RAP1A: variants seen among roughly 807,000 people sequenced by gnomAD.
RAP1A encodes the protein ras-related protein Rap-1A.
A neutral mutation model predicts 26.4 loss-of-function variants in RAP1A; 6 were observed. The ratio of observed to expected loss-of-function variants is 0.23; its 90% CI spans 0.12 to 0.45. The LOEUF is 0.45. RAP1A is among the 20% of genes least tolerant of loss of function. The probability of loss-of-function intolerance (pLI) is 0.99; values close to 1 mark genes in which losing one functional copy is unlikely to be tolerated. For missense variants in RAP1A, 121 were observed against 217.2 expected (o/e 0.56, Z 2.78); for synonymous variants, 73 against 79.4 (o/e 0.92, Z 0.43).
At chr1:111,710,743 G>A (rs1326672847) in intron 7 of RAP1A, among the ~76,000 whole-genome samples, 1 of 152,218 alleles carries the variant, frequency 6.6e-6, no homozygotes, top group African/African-American at 2.4e-5. Flanking sequence ...GGAGAAAAGG[G>A]CCTAGGGATT....
At chr1:111,619,298 T>C (rs1316386107), upstream of RAP1A, among the ~76,000 whole-genome samples, 1 of 152,126 alleles carries the variant, frequency 6.6e-6, no homozygotes, top group African/African-American at 2.4e-5. Flanking sequence ...AGGTGTAAAG[T>C]CACCCTATCC....
At chr1:111,679,077 G>A (rs1661213435) in intron 1 of RAP1A, among the ~76,000 whole-genome samples, 1 of 152,192 alleles carries the variant, frequency 6.6e-6, no homozygotes, top group Non-Finnish European at 1.5e-5. Flanking sequence ...TCTTAAGAAT[G>A]TAAAAGTGGG....
In RAP1A at chr1:111,713,561, C is replaced by A. The variant is rs1321734001; in HGVS notation, c.*1160C>A. ...GAAGTGTTATGTGAAAAATTTCAAACTTGCTTTATAATAGATTGAAGAATT... is the reference window on the plus strand; with the variant it reads ...GAAGTGTTATGTGAAAAATTTCAAAATTGCTTTATAATAGATTGAAGAATT... On this transcript the variant is annotated 3_prime_UTR_variant, in exon 8 of 8. Coordinates refer to ENST00000369709, the MANE Select transcript of RAP1A (RefSeq NM_002884.4). 2 of 152,060 alleles carry A rather than the reference C, an allele frequency of 1.3e-5. No homozygotes were observed. The highest frequency in any genetic ancestry group is 2.4e-5 in the African/African-American group (1 of 41,416). The allele number at this position is 152,060 out of a possible 1,614,324, so 9.4% of individuals were successfully genotyped here. A position where few individuals can be genotyped will look rare whatever the true frequency, so the allele number is the denominator to read the frequency against.
At chr1:111,575,294 C>T (rs1436944587) in intron 1 of RAP1A, among the ~76,000 whole-genome samples, 1 of 152,122 alleles carries the variant, frequency 6.6e-6, no homozygotes, top group African/African-American at 2.4e-5. Flanking sequence ...GCTGGGATTA[C>T]AGGCATGCAT....
intron 1 of RAP1A, among the ~76,000 whole-genome samples, chr1:111,667,614 G>A (rs1428901520): frequency 4.0e-5 from 6 of 151,804 alleles, no homozygotes; most frequent in South Asian, 2.1e-4. Context: ...CCTGGGAGGC[G>A]GAGGTTGCAG....
intron 1 of RAP1A, among the ~76,000 whole-genome samples, chr1:111,574,342 C>T (rs865828654): frequency 6.6e-6 from 1 of 152,166 alleles, no homozygotes; most frequent in Non-Finnish European, 1.5e-5. Context: ...CAGTGCCATG[C>T]TGTTTTTGTT....
At position 111,695,239 on chromosome 1, in the gene RAP1A, AT is replaced by A. The variant is rs1477095417; in HGVS notation, c.58-98del. On this transcript the variant is annotated intron_variant, in intron 2 of 7. Transcript: ENST00000369709. Reference sequence around the variant, plus strand: ...CTTTACATTTACGTGTTTACCCAGAATTTTCACATAATTTCAATTAATCATT... The same window carrying A: ...CTTTACATTTACGTGTTTACCCAGAATTTCACATAATTTCAATTAATCATT... The A allele has an allele frequency of 7.0e-6, 6 of 851,428 alleles. No homozygotes were observed. The African/African-American group carries it at 9.0e-5, about 13-fold the overall frequency. 52.7% of individuals were successfully genotyped at this position (851,428 alleles called of 1,614,324 possible). A position where few individuals can be genotyped will look rare whatever the true frequency, so the allele number is the denominator to read the frequency against.
At chr1:111,623,856 T>A (rs992776867) in intron 1 of RAP1A, among the ~76,000 whole-genome samples, 10 of 147,442 alleles carry the variant, frequency 6.8e-5, no homozygotes, top group Admixed American at 2.7e-4. Context: ...GTGGGGAGCT[T>A]TGACATCTAC....
chr1:111,594,559 A>AGGAG (rs1255841584), intron 1 of RAP1A, among the ~76,000 whole-genome samples: 5 of 117,940 alleles, frequency 4.2e-5, no homozygotes, highest in Admixed American at 8.7e-5. Context: ...AAAGAAGGAA[A>AGGAG]GGAGGGAGGG....
intron 1 of RAP1A, among the ~76,000 whole-genome samples, chr1:111,579,375 G>C (rs1658208935): frequency 6.6e-6 from 1 of 152,188 alleles, no homozygotes; most frequent in African/African-American, 2.4e-5. Context: ...TAGAAGCTAT[G>C]ATAGGAACCA....
intron 4 of RAP1A, among the ~76,000 whole-genome samples, chr1:111,698,351 C>T (rs1044014084): frequency 6.6e-6 from 1 of 152,084 alleles, no homozygotes; most frequent in Non-Finnish European, 1.5e-5. Flanking sequence ...CATAGTTCAC[C>T]GCAGTCTCCT....
At chr1:111,632,010 T>C (rs529030300) in intron 1 of RAP1A, among the ~76,000 whole-genome samples, 10 of 152,324 alleles carry the variant, frequency 6.6e-5, no homozygotes, top group African/African-American at 2.2e-4. Context: ...TTTAGTATTC[T>C]GAAATGAGGT....
chr1:111,585,621 G>C (rs1359379403), intron 1 of RAP1A, among the ~76,000 whole-genome samples: 1 of 152,052 alleles, frequency 6.6e-6, no homozygotes, highest in Non-Finnish European at 1.5e-5. Flanking sequence ...AATTTCCTCT[G>C]CCTCAAACAT....
chr1:111,697,503 G>A lies in RAP1A; in HGVS notation c.183+6G>A, dbSNP rs72991083. Reference sequence around the variant, plus strand: ...TCCTGGATACTGCAGGGACAGTAAGGATGTTTTCTCTTTTTTTGATAGATT... The same window carrying A: ...TCCTGGATACTGCAGGGACAGTAAGAATGTTTTCTCTTTTTTTGATAGATT... On this transcript the variant is annotated splice_donor_region_variant and intron_variant, in intron 4 of 7. Transcript: ENST00000369709. 2.0e-3 allele frequency: 3,287 copies of A among 1,611,104 alleles called. 61 individuals are homozygous for A. The African/African-American group carries it at 0.04, about 19-fold the overall frequency.
chr1:111,583,330 C>T (rs553964938), intron 1 of RAP1A, among the ~76,000 whole-genome samples: 62 of 150,806 alleles, frequency 4.1e-4, no homozygotes, highest in African/African-American at 1.3e-3. Flanking sequence ...TTTAACCAGG[C>T]GCAATAGTTC....
chr1:111,545,401 A>G (rs1237051985), intron 1 of RAP1A, among the ~76,000 whole-genome samples: 1 of 152,050 alleles, frequency 6.6e-6, no homozygotes, highest in African/African-American at 2.4e-5. Context: ...TCACATGCTT[A>G]TTGATCATTT....
intron 3 of RAP1A, among the ~76,000 whole-genome samples, chr1:111,696,464 T>TA (rs1415944725): frequency 1.3e-5 from 2 of 152,226 alleles, no homozygotes; most frequent in African/African-American, 4.8e-5. Flanking sequence ...CATTCCCAGT[T>TA]ACAAATTTTG....
chr1:111,560,752 A>G (rs2786976), intron 1 of RAP1A, among the ~76,000 whole-genome samples: 2,761 of 152,260 alleles, frequency 0.018, 76 homozygotes, highest in African/African-American at 0.061. Context: ...GCAGCCTCCA[A>G]AAGTGCTGGG....
At chr1:111,619,765 C>G (rs896331544), upstream of RAP1A, 3 of 396,012 alleles carry the variant, frequency 7.6e-6, no homozygotes, top group African/African-American at 6.2e-5. Flanking sequence ...GTGGTGCGTG[C>G]GTGCGCGTTC....
Sources: gnomAD v4.1 joint callset for allele counts (sites outside exome capture counted in the v4.1 genomes callset) on GRCh38, gnomAD v4.1.1 for gene constraint, MANE v1.5 for transcripts, NCBI Gene and HGNC (gene_info 2026-07-23, HGNC 2026-07-21) for gene names.